The following TANC2 variants were observed in gnomAD, a reference collection of about 807,000 sequenced individuals.
TANC2 encodes the protein tetratricopeptide repeat, ankyrin repeat and coiled-coil containing 2.
A neutral mutation model predicts 210.5 loss-of-function variants in TANC2; 26 were observed. The ratio of observed to expected loss-of-function variants is 0.12; its 90% CI spans 0.09 to 0.17. The LOEUF (loss-of-function observed/expected upper bound fraction) is 0.17. Among genes scored for constraint, TANC2 ranks in the 10% least tolerant of loss-of-function variants. The pLI, the probability that TANC2 is intolerant of heterozygous loss-of-function variation, is 1.00. For missense variants in TANC2, 2,129 were observed against 2,608.9 expected, an observed-to-expected ratio of 0.82 and a Z score of 4.01; for synonymous variants, 931 against 967.1, an observed-to-expected ratio of 0.96 and a Z score of 0.69.
chr17:63,306,642 A>G (rs77843259), intron 9 of TANC2, among the ~76,000 whole-genome samples: 108 of 152,348 alleles, frequency 7.1e-4, no homozygotes, highest in African/African-American at 2.5e-3. Context: ...AGAGAAACAA[A>G]TAAGCCCTCT....
At position 62,985,212 on chromosome 17, in the gene TANC2, C is replaced by G. The variant is rs2143486108; in HGVS notation, c.-24+18463C>G. On this transcript the variant is annotated intron_variant, in intron 1 of 27. Transcript: ENST00000689528. ...TTTCAATATATCATCTCATTCTCTC[C>G]TGGCCTGTGAGGTTTCTTCTGAGAA... 2.0e-5 allele frequency among the ~76,000 whole-genome samples: 3 copies of G among 152,204 alleles called. No homozygotes were observed. In the South Asian group the frequency reaches 6.2e-4, roughly 32 times the overall value.
intron 14 of TANC2, among the ~76,000 whole-genome samples, chr17:63,358,376 A>AGAGAGAGAGAGTGTGTGTGTGT (rs1470682571): frequency 3.7e-5 from 3 of 80,940 alleles, no homozygotes; most frequent in African/African-American, 1.1e-4. Flanking sequence ...AGAGAGAGAG[A>AGAGAGAGAGAGTGTGTGTGTGT]GTATGTGTGT....
At chr17:63,293,998 G>A (rs1203967501) in intron 9 of TANC2, among the ~76,000 whole-genome samples, 3 of 152,096 alleles carry the variant, frequency 2.0e-5, no homozygotes, top group Non-Finnish European at 2.9e-5. Flanking sequence ...TAGAGTGCTG[G>A]GATGATAGGC....
intron 9 of TANC2, among the ~76,000 whole-genome samples, chr17:63,282,243 A>G (rs2044080393): frequency 6.6e-6 from 1 of 152,098 alleles, no homozygotes; most frequent in Non-Finnish European, 1.5e-5. Flanking sequence ...ATATTGCTTA[A>G]GAAAAATGGG....
intron 2 of TANC2, among the ~76,000 whole-genome samples, chr17:63,063,471 T>A (rs1457177959): frequency 6.6e-6 from 1 of 151,458 alleles, no homozygotes; most frequent in African/African-American, 2.4e-5. Flanking sequence ...CAAAGGACAC[T>A]CCCGTCACCC....
rs1372102509 is a variant in TANC2 at position 63,415,727 on chromosome 17, G to A, written c.4167+53G>A. On this transcript the variant is annotated intron_variant, in intron 26 of 27. Coordinates refer to ENST00000689528, the Ensembl canonical transcript of TANC2. ...CTGCAATCCTGGTAGCTGATAGCCT[G>A]TGTCACTCACTAGCTTTTACCAGGC... 6 of 1,582,472 alleles carry A rather than the reference G, an allele frequency of 3.8e-6. No homozygotes were observed. The East Asian group carries it at 9.0e-5, about 24-fold the overall frequency.
In TANC2 at chr17:62,988,232, A is replaced by T. The variant is rs527722909; in HGVS notation, c.-23-21305A>T. ...AACCTCTGCCTCCTAGGTTCAAGCG[A>T]TTCTTCTGCCTCAGCCTGCCGAGTA... On this transcript the variant is annotated intron_variant, in intron 1 of 27. Transcript: ENST00000689528. Among the ~76,000 whole-genome samples, 68 of 149,034 alleles carry T rather than the reference A, an allele frequency of 4.6e-4. No homozygotes were observed. In the South Asian group the frequency reaches 8.5e-3, roughly 19 times the overall value.
chr17:63,077,510 C>T (rs2036613688), intron 3 of TANC2, among the ~76,000 whole-genome samples: 1 of 152,094 alleles, frequency 6.6e-6, no homozygotes, highest in African/African-American at 2.4e-5. Context: ...GGTTAGAAGC[C>T]TCCAGAAGAG....
At chr17:63,008,624 A>T (rs1030067897) in intron 1 of TANC2, among the ~76,000 whole-genome samples, 9 of 151,896 alleles carry the variant, frequency 5.9e-5, no homozygotes, top group Non-Finnish European at 1.3e-4. Context: ...GAGAAAAAGA[A>T]TTAAAGCTGT....
intron 5 of TANC2, among the ~76,000 whole-genome samples, chr17:63,164,430 T>A (rs1030458572): frequency 6.6e-6 from 1 of 152,024 alleles, no homozygotes; most frequent in African/African-American, 2.4e-5. Context: ...TCACAGTAAA[T>A]ACAAAGGAAA....
intron 2 of TANC2, among the ~76,000 whole-genome samples, chr17:63,023,003 G>A (rs1228888863): frequency 1.3e-5 from 2 of 152,254 alleles, no homozygotes; most frequent in Non-Finnish European, 2.9e-5. Context: ...TGCAAGAGGT[G>A]TGGAAGAGTG....
intron 9 of TANC2, among the ~76,000 whole-genome samples, chr17:63,309,106 G>A (rs2045028694): frequency 6.6e-6 from 1 of 151,670 alleles, no homozygotes; most frequent in South Asian, 2.1e-4. Context: ...GTAATTTTTG[G>A]TAGATACACC....
At chr17:63,034,878 CTG>C (rs1318785914) in intron 2 of TANC2, among the ~76,000 whole-genome samples, 1 of 152,162 alleles carries the variant, frequency 6.6e-6, no homozygotes, top group East Asian at 1.9e-4. Flanking sequence ...GAGATGGAAT[CTG>C]TGTCTGGTGA....
At chr17:63,403,026 C>A (rs1378996668) in intron 19 of TANC2, among the ~76,000 whole-genome samples, 1 of 152,178 alleles carries the variant, frequency 6.6e-6, no homozygotes, top group Non-Finnish European at 1.5e-5. Context: ...ACCTAAACAA[C>A]AGAGATGATA....
chr17:63,171,588 G>T (rs939796109), intron 5 of TANC2, among the ~76,000 whole-genome samples: 3 of 152,108 alleles, frequency 2.0e-5, no homozygotes, highest in Non-Finnish European at 2.9e-5. Context: ...GTTTGAAGAG[G>T]ATTATGAGCC....
At chr17:63,128,244 T>A (rs772858020) in intron 4 of TANC2, among the ~76,000 whole-genome samples, 18 of 152,138 alleles carry the variant, frequency 1.2e-4, no homozygotes, top group Non-Finnish European at 1.6e-4. Flanking sequence ...AGAACATAAT[T>A]GGGTTGTTTC....
chr17:63,099,952 A>G (rs955679326), intron 4 of TANC2, among the ~76,000 whole-genome samples: 2 of 152,170 alleles, frequency 1.3e-5, no homozygotes. Flanking sequence ...GCTTTATTAA[A>G]TGAACTTTTG....
chr17:63,355,235 A>G, exon 14 of TANC2: 1 of 1,613,744 alleles, frequency 6.2e-7, no homozygotes, highest in Non-Finnish European at 8.5e-7. Context: ...TTGAAGGCAC[A>G]CTAGAATGGG....
intron 9 of TANC2, among the ~76,000 whole-genome samples, chr17:63,301,789 C>G (rs896432631): frequency 2.6e-5 from 4 of 152,120 alleles, no homozygotes; most frequent in Admixed American, 2.6e-4. Context: ...CAGTTCTGCT[C>G]TGATCTTAGT....
Sources: allele counts gnomAD v4.1 joint callset (sites outside exome capture counted in the v4.1 genomes callset), GRCh38; gene constraint gnomAD v4.1.1; transcripts MANE v1.5; gene names NCBI Gene and HGNC (gene_info 2026-07-23, HGNC 2026-07-21).